Variants in KYNU observed in about 807,000 individuals in gnomAD.
The protein encoded by KYNU is kynureninase.
A neutral mutation model predicts 59.2 loss-of-function variants in KYNU; 54 were observed. The ratio of observed to expected loss-of-function variants is 0.91; its 90% CI spans 0.73 to 1.14. KYNU has a LOEUF of 1.14. KYNU is among the 50% of genes most tolerant of loss of function. KYNU has a pLI of 0.00. For missense variants in KYNU, 567 were observed against 554.4 expected (o/e 1.02, Z -0.23); for synonymous variants, 177 against 192.0 (o/e 0.92, Z 0.65).
intron 4 of KYNU, among the ~76,000 whole-genome samples, chr2:142,933,294 G>A (rs960719266): frequency 1.3e-5 from 2 of 152,164 alleles, no homozygotes; most frequent in Non-Finnish European, 2.9e-5. Flanking sequence ...TCAGTATAGA[G>A]GGAGAAAGGT....
intron 8 of KYNU, among the ~76,000 whole-genome samples, chr2:142,962,924 T>C (rs1329675841): frequency 2.0e-5 from 3 of 152,016 alleles, no homozygotes; most frequent in African/African-American, 7.2e-5. Flanking sequence ...AGAGAAGAAA[T>C]TAAAGGTGTC....
intron 2 of KYNU, among the ~76,000 whole-genome samples, chr2:142,902,203 C>T (rs1172952450): frequency 6.6e-6 from 1 of 152,118 alleles, no homozygotes; most frequent in African/African-American, 2.4e-5. Context: ...TGATGCCAAC[C>T]CTTTGCCACT....
At chr2:142,971,813 A>G (rs115450807) in intron 8 of KYNU, among the ~76,000 whole-genome samples, 1,760 of 152,348 alleles carry the variant, frequency 0.012, 22 homozygotes, top group African/African-American at 0.041. Context: ...AAAAAGAATC[A>G]GAAGCTTCTA....
rs184519708 is a variant in KYNU, at chr2:143,032,555, C to T, written c.956-681C>T. ...CATCAAGTTTTAACATTCTTTTAGTCAGTCATAGTGTTAACTTATCTCTGA... is the reference window on the plus strand; with the variant it reads ...CATCAAGTTTTAACATTCTTTTAGTTAGTCATAGTGTTAACTTATCTCTGA... On this transcript the variant is annotated intron_variant, in intron 11 of 13. Transcript: ENST00000264170. Among the ~76,000 whole-genome samples the T allele has an allele frequency of 2.8e-4, 43 of 152,306 alleles. No individual in the cohort carries two copies. In the East Asian group the frequency reaches 4.6e-3, roughly 16 times the overall value.
chr2:142,882,377 C>T (rs1029384604), intron 1 of KYNU, among the ~76,000 whole-genome samples: 1 of 151,752 alleles, frequency 6.6e-6, no homozygotes, highest in African/African-American at 2.4e-5. Context: ...ATGTGCACAA[C>T]GTGTAGGTTT....
intron 2 of KYNU, among the ~76,000 whole-genome samples, chr2:142,899,948 C>T (rs1682018161): frequency 6.6e-6 from 1 of 152,142 alleles, no homozygotes. Flanking sequence ...TTCTAGCTCC[C>T]AGAGCTCCCA....
In KYNU at chr2:143,040,509, A is replaced by G. The variant is rs1160444700; in HGVS notation, c.1123A>G (p.Asn375Asp). Reference protein sequence around the residue: ...TGYLEYLIKHNYGKDKAATKK... With the variant: ...TGYLEYLIKHDYGKDKAATKK... ...CTATCTGGAATACCTGATCAAGCATAACTATGGCAAAGATAAAGCAGCAAC... is the reference window on the plus strand; with the variant it reads ...CTATCTGGAATACCTGATCAAGCATGACTATGGCAAAGATAAAGCAGCAAC... Residue 375 changes from asparagine (N) to aspartate (D), a missense_variant, in exon 13 of 14, where the codon AAC (asparagine) becomes GAC (aspartate). Asn to Asp is a conservative substitution (Grantham distance 23). Coordinates refer to ENST00000264170, the MANE Select transcript of KYNU (RefSeq NM_003937.3). The G allele has an allele frequency of 2.5e-6, 4 of 1,613,316 alleles. No individual in the cohort carries two copies. The highest frequency in any genetic ancestry group is 2.2e-5 in the South Asian group (2 of 91,070).
intron 2 of KYNU, among the ~76,000 whole-genome samples, chr2:142,898,863 G>T (rs1470169298): frequency 6.6e-6 from 1 of 152,192 alleles, no homozygotes; most frequent in Non-Finnish European, 1.5e-5. Context: ...GAAAACCATG[G>T]AACCCAGCGA....
intron 11 of KYNU, 130 bp downstream of exon 11, chr2:143,029,809 A>C: frequency 3.0e-6 from 2 of 663,518 alleles, no homozygotes; most frequent in Non-Finnish European, 5.5e-6. Context: ...GAGAATTCTC[A>C]AATAAGAAAT....
Position 142,953,493 on chromosome 2 carries a change from AT to A in KYNU, c.374-1311del, listed in dbSNP as rs1046401323. ...AAATAAATATAATGAAGATGGCAGT[AT>A]TTTTTAAACCATATTTCAAAGAAAT... On this transcript the variant is annotated intron_variant, in intron 4 of 13. Coordinates refer to ENST00000264170, the MANE Select transcript of KYNU (RefSeq NM_003937.3). 1.3e-3 allele frequency among the ~76,000 whole-genome samples: 200 copies of A among 152,326 alleles called. 1 individual carries two copies. The highest frequency in any genetic ancestry group is 4.6e-3 in the African/African-American group (191 of 41,566).
chr2:142,954,664 A>G, intron 4 of KYNU, 146 bp from the exon 5 acceptor site: 2 of 593,976 alleles, frequency 3.4e-6, no homozygotes, highest in East Asian at 5.6e-5. Flanking sequence ...CAAGTGGGAA[A>G]ACTTCCATTT....
intron 10 of KYNU, among the ~76,000 whole-genome samples, chr2:143,004,327 T>C (rs1221669100): frequency 6.6e-6 from 1 of 152,324 alleles, no homozygotes; most frequent in East Asian, 1.9e-4. Flanking sequence ...AGTTGTGGGA[T>C]TGAGATTCAA....
intron 10 of KYNU, among the ~76,000 whole-genome samples, chr2:142,991,314 C>G (rs1169370297): frequency 1.3e-5 from 2 of 151,848 alleles, no homozygotes; most frequent in Non-Finnish European, 2.9e-5. Flanking sequence ...TATCTAGTAC[C>G]AGAATAAGGC....
intron 2 of KYNU, among the ~76,000 whole-genome samples, chr2:142,909,356 T>C (rs182962346): frequency 9.8e-5 from 15 of 152,338 alleles, no homozygotes; most frequent in Non-Finnish European, 1.8e-4. Flanking sequence ...TTTTTTTTAA[T>C]TTCAACTTAT....
chr2:142,945,565 C>T lies in KYNU; in HGVS notation c.374-9245C>T, dbSNP rs549320248. The stretch of plus-strand genomic sequence containing the variant: ...ATCCATGAGGGTTGGAATAAACTTC[C>T]CCAGTTCCTGTTCATGTTGATATTT... On this transcript the variant is annotated intron_variant, in intron 4 of 13. Transcript: ENST00000264170. 2.0e-5 allele frequency among the ~76,000 whole-genome samples: 3 copies of T among 152,192 alleles called. No homozygotes were observed. In the South Asian group the frequency reaches 6.2e-4, roughly 32 times the overall value.
At position 142,912,689 on chromosome 2, in the gene KYNU, G is replaced by C. The variant is rs991099904; in HGVS notation, c.170-5920G>C. Among the ~76,000 whole-genome samples, 90 of 112,850 alleles carry C rather than the reference G, an allele frequency of 8.0e-4. 1 individual carries two copies. The highest frequency in any genetic ancestry group is 3.0e-3 in the African/African-American group (87 of 29,432). The allele number at this position is 112,850 out of a possible 152,430, so 74.0% of individuals were successfully genotyped here. A position where few individuals can be genotyped will look rare whatever the true frequency, so the allele number is the denominator to read the frequency against. On this transcript the variant is annotated intron_variant, in intron 2 of 13. Transcript: ENST00000264170. ...CCACAGCACCCAGCTGGGATCTTTT[G>C]TATTTCTTTCTTCCTTTTTTTTTTT... is the stretch of plus-strand genomic sequence containing the variant.
In KYNU at chr2:143,043,124, C is replaced by T. The variant is rs1687102828; in HGVS notation, c.*952C>T. On this transcript the variant is annotated 3_prime_UTR_variant, in exon 14 of 14. Transcript: ENST00000264170. ...TCTTTAATGTTATCATAATCTCTTA[C>T]TTTTTAAATGAGAACTTCCCCTAAT... The T allele has an allele frequency of 6.6e-6, 1 of 151,826 alleles. No individual in the cohort carries two copies. The allele number at this position is 151,826 out of a possible 1,614,324, so 9.4% of individuals were successfully genotyped here.
chr2:142,948,734 G>A (rs1683882877), intron 4 of KYNU, among the ~76,000 whole-genome samples: 2 of 152,176 alleles, frequency 1.3e-5, no homozygotes, highest in South Asian at 4.1e-4. Context: ...TGAGATTCGG[G>A]TGGGGACACA....
chr2:142,900,299 A>C (rs1011307629), intron 2 of KYNU, among the ~76,000 whole-genome samples: 1 of 152,228 alleles, frequency 6.6e-6, no homozygotes, highest in Non-Finnish European at 1.5e-5. Flanking sequence ...GGCAAACAGC[A>C]GTGGTGGATA....
Sources: gnomAD v4.1 joint callset for allele counts (sites outside exome capture counted in the v4.1 genomes callset) on GRCh38, gnomAD v4.1.1 for gene constraint, MANE v1.5 for transcripts, NCBI Gene and HGNC (gene_info 2026-07-23, HGNC 2026-07-21) for gene names.